Variants in LY96 observed in about 807,000 individuals in gnomAD.
LY96 encodes the protein myeloid differentiation protein-2.
In LY96, 18 loss-of-function variants were observed where a neutral mutation model predicts 18.9. The ratio of observed to expected loss-of-function variants is 0.95; its 90% CI spans 0.66 to 1.41. LY96 has a LOEUF of 1.41. Among genes scored for constraint, LY96 ranks in the 40% most tolerant of loss-of-function variants. The pLI, the probability that LY96 is intolerant of heterozygous loss-of-function variation, is 0.00. For synonymous variants in LY96, 66 were observed against 62.6 expected (o/e 1.06, Z -0.26); for missense variants, 175 against 182.4 (o/e 0.96, Z 0.23).
the LY96 span, among the ~76,000 whole-genome samples, chr8:74,041,883 T>C: frequency 6.6e-6 from 1 of 152,222 alleles, no homozygotes; most frequent in African/African-American, 2.4e-5. Context: ...TTTGTTCTTT[T>C]TGCCCTTTGA....
the LY96 span, among the ~76,000 whole-genome samples, chr8:74,042,727 T>C: frequency 6.6e-6 from 1 of 151,956 alleles, no homozygotes; most frequent in African/African-American, 2.4e-5. Context: ...TAGTAGTCCT[T>C]AAAAGTTTGT....
chr8:74,040,709 T>G, the LY96 span, among the ~76,000 whole-genome samples: 3 of 145,740 alleles, frequency 2.1e-5, no homozygotes, highest in African/African-American at 7.6e-5. Context: ...TTTTTTTTTT[T>G]TTTTTTTTTT....
the LY96 span, among the ~76,000 whole-genome samples, chr8:74,054,860 C>T: frequency 6.6e-6 from 1 of 151,194 alleles, no homozygotes; most frequent in Admixed American, 6.6e-5. Context: ...CTATATTGCC[C>T]AGGCTGGTCT....
chr8:74,010,472 C>T (rs1487852341), intron 3 of LY96, among the ~76,000 whole-genome samples: 3 of 151,140 alleles, frequency 2.0e-5, no homozygotes, highest in Non-Finnish European at 4.4e-5. Context: ...GATCTTGCAC[C>T]AAGGGATAAA....
intron 3 of LY96, among the ~76,000 whole-genome samples, chr8:74,011,404 G>C (rs1404031702): frequency 6.6e-6 from 1 of 152,186 alleles, no homozygotes; most frequent in African/African-American, 2.4e-5. Context: ...ACATCAAAAA[G>C]CTTCTGCATA....
At chr8:74,041,256 G>A in the LY96 span, among the ~76,000 whole-genome samples, 1 of 152,102 alleles carries the variant, frequency 6.6e-6, no homozygotes, top group African/African-American at 2.4e-5. Context: ...TCTTATGCCT[G>A]TCTTTAATCT....
downstream of LY96, among the ~76,000 whole-genome samples, chr8:74,029,891 C>A (rs929154515): frequency 2.0e-5 from 3 of 152,282 alleles, no homozygotes; most frequent in African/African-American, 7.2e-5. Flanking sequence ...AACTCCTGAC[C>A]TCAGGTGATC....
At chr8:74,043,876 C>T in the LY96 span, among the ~76,000 whole-genome samples, 8 of 152,172 alleles carry the variant, frequency 5.3e-5, no homozygotes, top group African/African-American at 1.9e-4. Flanking sequence ...GGCTGTTACC[C>T]AGGCTGAAAT....
chr8:73,998,004 T>G (rs1816186420), intron 1 of LY96, among the ~76,000 whole-genome samples: 1 of 152,134 alleles, frequency 6.6e-6, no homozygotes, highest in African/African-American at 2.4e-5. Flanking sequence ...AATCGAATGT[T>G]AACTCTGTCT....
the LY96 span, among the ~76,000 whole-genome samples, chr8:74,064,823 A>G: frequency 7.9e-5 from 12 of 152,250 alleles, no homozygotes; most frequent in Non-Finnish European, 1.5e-4. Context: ...TAAATCACAG[A>G]AGAAGACACA....
At chr8:74,084,813 C>G in the LY96 span, among the ~76,000 whole-genome samples, 1 of 152,130 alleles carries the variant, frequency 6.6e-6, no homozygotes, top group Non-Finnish European at 1.5e-5. Flanking sequence ...TGGGGTTTCA[C>G]CATGTTGGCC....
intron 4 of LY96, among the ~76,000 whole-genome samples, chr8:74,028,420 G>A (rs1816913339): frequency 6.6e-6 from 1 of 152,056 alleles, no homozygotes; most frequent in Admixed American, 6.5e-5. Flanking sequence ...GATGACCATT[G>A]TGTATAAGCC....
chr8:74,083,700 CT>C, the LY96 span, among the ~76,000 whole-genome samples: 5 of 151,754 alleles, frequency 3.3e-5, no homozygotes, highest in Non-Finnish European at 5.9e-5. Context: ...TCTTTTCTTT[CT>C]TTTTTTTGAG....
At chr8:74,032,356 C>T (rs540724927), downstream of LY96, among the ~76,000 whole-genome samples, 1 of 152,314 alleles carries the variant, frequency 6.6e-6, no homozygotes, top group South Asian at 2.1e-4. Context: ...AAATGAAATC[C>T]ACAGGCAGAC....
chr8:74,019,784 G>T (rs897884413), intron 3 of LY96, among the ~76,000 whole-genome samples: 1 of 152,060 alleles, frequency 6.6e-6, no homozygotes, highest in Non-Finnish European at 1.5e-5. Flanking sequence ...ATCAATATAC[G>T]TAATTCATCA....
Position 73,993,015 on chromosome 8 carries a change from C to T in LY96, c.112+1461C>T, listed in dbSNP as rs532124047. Among the ~76,000 whole-genome samples, 161 of 151,350 alleles carry T rather than the reference C, an allele frequency of 1.1e-3. 1 individual carries two copies. The highest frequency in any genetic ancestry group is 1.9e-3 in the South Asian group (9 of 4,790). On this transcript the variant is annotated intron_variant, in intron 1 of 4. Transcript: ENST00000284818. ...GACTACAGGTGTGCGCCACCACACC[C>T]GGCTAATTTTTTTTTTTTTTGTATT...
At chr8:74,034,617 A>G in the LY96 span, among the ~76,000 whole-genome samples, 2 of 152,112 alleles carry the variant, frequency 1.3e-5, no homozygotes, top group African/African-American at 4.8e-5. Flanking sequence ...ATTTTCAAAA[A>G]TATTGTTATT....
At chr8:74,066,498 A>G in the LY96 span, among the ~76,000 whole-genome samples, 5 of 152,108 alleles carry the variant, frequency 3.3e-5, no homozygotes, top group Admixed American at 1.3e-4. Flanking sequence ...CGGTGGTAGG[A>G]TAACGTGGGT....
At position 73,991,556 on chromosome 8, in the gene LY96, T is replaced by A; in HGVS notation, c.112+2T>A. 6.5e-7 allele frequency: 1 copy of A among 1,541,982 alleles called. No homozygotes were observed. Among genetic ancestry groups the A allele is most frequent in the Non-Finnish European group, 9.0e-7 (1 of 1,114,448 alleles). On this transcript the variant is annotated splice_donor_variant, in intron 1 of 4. Transcript: ENST00000284818. LOFTEE classifies it high-confidence loss of function. ...CAAGTATTTCATACACCTACTGTGG[T>A]AAGTAAAACCGCAAAACAAATAATT...
Sources: allele counts gnomAD v4.1 joint callset (sites outside exome capture counted in the v4.1 genomes callset), GRCh38; gene constraint gnomAD v4.1.1; transcripts MANE v1.5; gene names NCBI Gene and HGNC (gene_info 2026-07-23, HGNC 2026-07-21).